PCDH15: variants seen among roughly 807,000 people sequenced by gnomAD.
PCDH15 encodes the protein protocadherin related 15, also known as protocadherin-15.
PCDH15 carries 129 observed loss-of-function variants against 178.5 expected under a neutral mutation model. That is an observed-to-expected ratio of 0.72 (90% CI 0.63 to 0.84). The LOEUF (loss-of-function observed/expected upper bound fraction) is 0.84, where lower values mean the gene tolerates loss of function less well. PCDH15 is among the 40% of genes least tolerant of loss of function. PCDH15 has a pLI of 0.00. For synonymous variants in PCDH15, 800 were observed against 732.0 expected, an observed-to-expected ratio of 1.09 and a Z score of -1.50; for missense variants, 2,230 against 2,099.9, an observed-to-expected ratio of 1.06 and a Z score of -1.21.
At chr10:54,436,026 G>GAAAAGAAA (rs768623263) in intron 3 of PCDH15, among the ~76,000 whole-genome samples, 30 of 107,380 alleles carry the variant, frequency 2.8e-4, no homozygotes, top group African/African-American at 1.2e-3. Flanking sequence ...GGAGAGGAGA[G>GAAAAGAAA]GAGAGGAGAG....
At chr10:55,547,420 T>C (rs1014982422) in intron 2 of PCDH15, among the ~76,000 whole-genome samples, 1 of 152,062 alleles carries the variant, frequency 6.6e-6, no homozygotes, top group Non-Finnish European at 1.5e-5. Context: ...ATATTGGATC[T>C]GAGTAAGGCA....
chr10:54,552,551 C>T (rs10825355), intron 2 of PCDH15, among the ~76,000 whole-genome samples: 62,551 of 151,920 alleles, frequency 0.41, 13,547 homozygotes, highest in Non-Finnish European at 0.48. Context: ...TCATGGCTCC[C>T]TCCTCCTTTG....
intron 13 of PCDH15, among the ~76,000 whole-genome samples, chr10:54,182,222 C>T (rs554289181): frequency 4.3e-4 from 65 of 152,326 alleles, no homozygotes; most frequent in Admixed American, 8.5e-4. Context: ...TCGCCTCGGC[C>T]TCCCAAAGTG....
At chr10:53,839,539 T>C (rs1246662497) in intron 29 of PCDH15, among the ~76,000 whole-genome samples, 2 of 152,138 alleles carry the variant, frequency 1.3e-5, no homozygotes, top group Non-Finnish European at 2.9e-5. Context: ...TGACTATATA[T>C]ACAGGCACAT....
intron 2 of PCDH15, among the ~76,000 whole-genome samples, chr10:55,486,049 A>C (rs1389911701): frequency 6.6e-6 from 1 of 151,692 alleles, no homozygotes; most frequent in East Asian, 1.9e-4. Flanking sequence ...TTGCAATTCT[A>C]CTGGGAGGGC....
At chr10:54,060,854 G>A (rs1390962135) in intron 18 of PCDH15, among the ~76,000 whole-genome samples, 1 of 152,084 alleles carries the variant, frequency 6.6e-6, no homozygotes, top group Non-Finnish European at 1.5e-5. Flanking sequence ...GGTGAGGGTT[G>A]TTAGGTAAGA....
At chr10:54,063,551 T>C (rs1037990245) in intron 18 of PCDH15, among the ~76,000 whole-genome samples, 3 of 152,188 alleles carry the variant, frequency 2.0e-5, no homozygotes, top group African/African-American at 7.2e-5. Context: ...GTATTGTCAC[T>C]GGATCCTAAG....
chr10:54,956,590 A>G (rs1003323602), intron 2 of PCDH15, among the ~76,000 whole-genome samples: 2 of 151,598 alleles, frequency 1.3e-5, no homozygotes, highest in African/African-American at 4.8e-5. Context: ...AATAGGGTAT[A>G]TTTAATCACG....
chr10:54,963,387 C>T (rs1838706483), intron 2 of PCDH15, among the ~76,000 whole-genome samples: 1 of 151,788 alleles, frequency 6.6e-6, no homozygotes, highest in African/African-American at 2.4e-5. Flanking sequence ...AACCCCTTAT[C>T]CCACATTCTC....
At chr10:54,240,780 C>T (rs1015642516) in intron 8 of PCDH15, among the ~76,000 whole-genome samples, 8 of 151,458 alleles carry the variant, frequency 5.3e-5, no homozygotes, top group East Asian at 1.9e-4. Flanking sequence ...TACAGGCGCC[C>T]GCCACCACGC....
intron 1 of PCDH15, among the ~76,000 whole-genome samples, chr10:55,276,654 C>T (rs1406226621): frequency 6.6e-6 from 1 of 151,432 alleles, no homozygotes; most frequent in Non-Finnish European, 1.5e-5. Context: ...ATTTTAATTT[C>T]TTGCATGGTA....
At chr10:54,655,271 A>AGAGAGAGGGG (rs2094360484) in intron 2 of PCDH15, among the ~76,000 whole-genome samples, 1 of 115,704 alleles carries the variant, frequency 8.6e-6, no homozygotes, top group African/African-American at 3.3e-5. Flanking sequence ...AGAGAGAGAG[A>AGAGAGAGGGG]GAGAGAGAGA....
At chr10:55,366,055 C>A (rs1845351649) in intron 2 of PCDH15, 1 of 152,148 alleles carries the variant, frequency 6.6e-6, no homozygotes, top group African/African-American at 2.4e-5. Flanking sequence ...AGAAACTCAT[C>A]ATCAGATCAT....
intron 1 of PCDH15, among the ~76,000 whole-genome samples, chr10:54,693,495 T>C (rs1392583696): frequency 6.6e-6 from 1 of 152,170 alleles, no homozygotes; most frequent in African/African-American, 2.4e-5. Flanking sequence ...TAGAAACAAA[T>C]ATTTTTTCTC....
chr10:55,613,725 A>G (rs1480660948), intron 2 of PCDH15, among the ~76,000 whole-genome samples: 9 of 152,324 alleles, frequency 5.9e-5, no homozygotes, highest in Admixed American at 5.9e-4. Context: ...CTCTCTAGAA[A>G]GTCATAGCCT....
chr10:55,615,903 A>G (rs1486260645), intron 2 of PCDH15, among the ~76,000 whole-genome samples: 1 of 152,092 alleles, frequency 6.6e-6, no homozygotes, highest in Non-Finnish European at 1.5e-5. Flanking sequence ...CACATACACA[A>G]AAGAAAATAA....
At chr10:54,190,405 T>C (rs530716241) in intron 11 of PCDH15, among the ~76,000 whole-genome samples, 1 of 152,268 alleles carries the variant, frequency 6.6e-6, no homozygotes, top group East Asian at 1.9e-4. Flanking sequence ...AGCAACAGGA[T>C]TTTGTTTCAT....
intron 32 of PCDH15, among the ~76,000 whole-genome samples, chr10:53,826,299 A>T (rs1427700559): frequency 6.6e-6 from 1 of 152,034 alleles, no homozygotes; most frequent in Non-Finnish European, 1.5e-5. Context: ...CATTAAGATC[A>T]ATTTTAACAT....
At chr10:54,233,851 T>C (rs558287914) in intron 9 of PCDH15, among the ~76,000 whole-genome samples, 1 of 152,338 alleles carries the variant, frequency 6.6e-6, no homozygotes, top group South Asian at 2.1e-4. Context: ...TTAAAGACTT[T>C]TGGCTAGTCA....
Sources: allele counts gnomAD v4.1 joint callset (sites outside exome capture counted in the v4.1 genomes callset), GRCh38; gene constraint gnomAD v4.1.1; transcripts MANE v1.5; gene names NCBI Gene and HGNC (gene_info 2026-07-23, HGNC 2026-07-21).